Variants in SV2B observed in about 807,000 individuals in gnomAD.
The protein encoded by SV2B is solute carrier family 22 member B2.
Under a neutral mutation model 73.9 loss-of-function variants are expected in SV2B, and 41 were observed. That is an observed-to-expected ratio of 0.56 (90% CI 0.43 to 0.72). The LOEUF (loss-of-function observed/expected upper bound fraction) is 0.72, where lower values mean the gene tolerates loss of function less well. Ranked by LOEUF, SV2B falls within the 30% of genes least tolerant of loss-of-function variation. SV2B has a pLI of 0.00. For missense variants in SV2B, 764 were observed against 857.8 expected (o/e 0.89, Z 1.37); for synonymous variants, 314 against 314.2 (o/e 1.00, Z 0.01).
At chr15:91,179,792 C>A (rs1278681363) in intron 1 of SV2B, among the ~76,000 whole-genome samples, 15 of 152,094 alleles carry the variant, frequency 9.9e-5, no homozygotes, top group African/African-American at 3.1e-4. Flanking sequence ...GTGTCTCTGC[C>A]CGTGAGCTGG....
intron 1 of SV2B, among the ~76,000 whole-genome samples, chr15:91,153,036 C>T (rs1191060596): frequency 6.6e-6 from 1 of 152,088 alleles, no homozygotes; most frequent in Non-Finnish European, 1.5e-5. Flanking sequence ...GCTGGGTTCT[C>T]ATGTGATGGA....
At position 91,115,962 on chromosome 15, in the gene SV2B, G is replaced by A. The variant is rs2042166919; in HGVS notation, c.-392+15599G>A. 6.6e-6 allele frequency among the ~76,000 whole-genome samples: 1 copy of A among 152,178 alleles called. No individual in the cohort carries two copies. The highest frequency in any genetic ancestry group is 1.9e-4 in the East Asian group (1 of 5,186). ...TTTGTTTCACATACACCTTAACAGA[G>A]TACATGCACACACATACACACACAC... On this transcript the variant is annotated intron_variant, in intron 1 of 12. Transcript: ENST00000394232. The surrounding 1 kb of genome is among the most constrained non-coding windows in gnomAD (Gnocchi z 4.3).
At chr15:91,172,358 G>C (rs1279035693) in intron 1 of SV2B, among the ~76,000 whole-genome samples, 1 of 152,156 alleles carries the variant, frequency 6.6e-6, no homozygotes, top group Non-Finnish European at 1.5e-5. Flanking sequence ...TTCCCTTCAA[G>C]GTCTCCTATG....
Position 91,266,569 on chromosome 15 carries a change from T to C in SV2B, c.1009-13T>C, listed in dbSNP as rs1384177941. 1.2e-6 allele frequency: 2 copies of C among 1,605,868 alleles called. No homozygotes were observed. The highest frequency in any genetic ancestry group is 3.3e-5 in the Admixed American group (2 of 59,882). ...GGGGTTCAAATTCTCTATATCCTAT[T>C]TTTACTTTTCAGGTTTCCAACATCA... On this transcript the variant is annotated splice_polypyrimidine_tract_variant and intron_variant, in intron 6 of 12. Coordinates refer to ENST00000394232, the MANE Select transcript of SV2B (RefSeq NM_001323032.3).
chr15:91,179,648 T>C (rs1486791686), intron 1 of SV2B, among the ~76,000 whole-genome samples: 1 of 152,222 alleles, frequency 6.6e-6, no homozygotes, highest in Non-Finnish European at 1.5e-5. Flanking sequence ...CATTATATAA[T>C]GGCCTTCTTT....
intron 1 of SV2B, among the ~76,000 whole-genome samples, chr15:91,160,722 A>G (rs2043684424): frequency 6.6e-6 from 1 of 152,226 alleles, no homozygotes; most frequent in African/African-American, 2.4e-5. Context: ...TCCAAGGATA[A>G]ATAGAAAGTT....
In SV2B at chr15:91,239,092, G is replaced by A. The variant is rs2046903352; in HGVS notation, c.451+12378G>A. Among the ~76,000 whole-genome samples, 1 of 152,178 alleles carries A rather than the reference G, an allele frequency of 6.6e-6. No individual in the cohort carries two copies. On this transcript the variant is annotated intron_variant, in intron 2 of 12. Transcript: ENST00000394232. This position sits in a 1 kb window ranked among gnomAD's most constrained non-coding sequence, Gnocchi z 5.1. ...AAATATTAGCAGGGATGGAAGAAAG[G>A]GGGTGTGATAGAAGGTCCTGGAAAT...
intron 1 of SV2B, among the ~76,000 whole-genome samples, chr15:91,171,629 T>C (rs1280300938): frequency 6.6e-6 from 1 of 152,190 alleles, no homozygotes; most frequent in Non-Finnish European, 1.5e-5. Flanking sequence ...TCATAAAACA[T>C]ACAGACCCAG....
At chr15:91,135,749 A>G (rs1461641356) in intron 1 of SV2B, among the ~76,000 whole-genome samples, 1 of 152,218 alleles carries the variant, frequency 6.6e-6, no homozygotes, top group East Asian at 1.9e-4. Flanking sequence ...TACTTATTTC[A>G]CATCTCTGCT....
chr15:91,128,190 T>C lies in SV2B; in HGVS notation c.-392+27827T>C, dbSNP rs1479549856. On this transcript the variant is annotated intron_variant, in intron 1 of 12. Transcript: ENST00000394232. This position sits in a 1 kb window ranked among gnomAD's most constrained non-coding sequence, Gnocchi z 4.2. ...ACTCAGCTCTTTGTGTAGCGGAGAT[T>C]TTCAGTCCCTCCTGGGAGCTGTTTT... 6.6e-6 allele frequency among the ~76,000 whole-genome samples: 1 copy of C among 152,188 alleles called. No homozygotes were observed. Among genetic ancestry groups the C allele is most frequent in the African/African-American group, 2.4e-5 (1 of 41,452 alleles).
At chr15:91,222,928 C>T (rs551161516) in intron 1 of SV2B, among the ~76,000 whole-genome samples, 1 of 152,162 alleles carries the variant, frequency 6.6e-6, no homozygotes, top group African/African-American at 2.4e-5. Context: ...AAACACTAGG[C>T]TTGTTGAATG....
chr15:91,179,410 C>T (rs1051171219), intron 1 of SV2B, among the ~76,000 whole-genome samples: 14 of 152,000 alleles, frequency 9.2e-5, no homozygotes, highest in African/African-American at 1.7e-4. Context: ...CTATTAGGTC[C>T]TCTTGGTGCA....
rs1177496341 is a variant in SV2B, at chr15:91,214,415, C to G, written c.-391-11458C>G. Among the ~76,000 whole-genome samples, 3 of 152,174 alleles carry G rather than the reference C, an allele frequency of 2.0e-5. No individual in the cohort carries two copies. The highest frequency in any genetic ancestry group is 7.2e-5 in the African/African-American group (3 of 41,434). ...TATAACAATAGCTATTTTTATTGAG[C>G]TCTTTCTTGGTGATGGACACTGTGC... is the stretch of plus-strand genomic sequence containing the variant. On this transcript the variant is annotated intron_variant, in intron 1 of 12. Coordinates refer to ENST00000394232, the MANE Select transcript of SV2B (RefSeq NM_001323032.3). This position sits in a 1 kb window ranked among gnomAD's most constrained non-coding sequence, Gnocchi z 4.7.
chr15:91,287,738 G>A (rs2048908833), intron 11 of SV2B, among the ~76,000 whole-genome samples: 1 of 152,220 alleles, frequency 6.6e-6, no homozygotes, highest in Non-Finnish European at 1.5e-5. Context: ...ATTCACCCCA[G>A]ATAGTTCTAG....
At chr15:91,147,492 C>G (rs918260426) in intron 1 of SV2B, among the ~76,000 whole-genome samples, 1 of 152,178 alleles carries the variant, frequency 6.6e-6, no homozygotes, top group African/African-American at 2.4e-5. Flanking sequence ...AGACCTCTAT[C>G]CATTCTTTGC....
At chr15:91,157,576 CT>C (rs1681352382) in intron 1 of SV2B, among the ~76,000 whole-genome samples, 1 of 152,196 alleles carries the variant, frequency 6.6e-6, no homozygotes, top group Non-Finnish European at 1.5e-5. Context: ...GTTTTAAGCT[CT>C]TTGCACATTC....
intron 1 of SV2B, among the ~76,000 whole-genome samples, chr15:91,215,575 A>G (rs2141443013): frequency 6.6e-6 from 1 of 152,366 alleles, no homozygotes; most frequent in South Asian, 2.1e-4. Flanking sequence ...ATATTTGCAT[A>G]GTATAAATAC....
intron 1 of SV2B, among the ~76,000 whole-genome samples, chr15:91,215,031 A>G (rs766150049): frequency 5.3e-5 from 8 of 152,132 alleles, no homozygotes. Context: ...TCCCATAGCT[A>G]TCCCACATCC....
chr15:91,209,854 G>A (rs530450296), intron 1 of SV2B, among the ~76,000 whole-genome samples: 82 of 152,244 alleles, frequency 5.4e-4, no homozygotes, highest in Non-Finnish European at 1.0e-3. Flanking sequence ...ATCTTTCTTC[G>A]TTACTCCAGG....
Sources: allele counts gnomAD v4.1 joint callset (sites outside exome capture counted in the v4.1 genomes callset), GRCh38; gene constraint gnomAD v4.1.1; non-coding constraint Gnocchi (gnomAD v3.1); transcripts MANE v1.5; gene names NCBI Gene and HGNC (gene_info 2026-07-23, HGNC 2026-07-21).